PCDH10: variants seen among roughly 807,000 people sequenced by gnomAD.
The protein encoded by PCDH10 is protocadherin 10.
PCDH10 carries 15 observed loss-of-function variants against 74.4 expected under a neutral mutation model. The ratio of observed to expected loss-of-function variants is 0.20; its 90% CI spans 0.13 to 0.31. PCDH10 has a LOEUF of 0.31. PCDH10 is among the 10% of genes least tolerant of loss of function. PCDH10 has a pLI of 1.00. For synonymous variants in PCDH10, 619 were observed against 589.8 expected (o/e 1.05, Z -0.72); for missense variants, 1,260 against 1,390.2 (o/e 0.91, Z 1.49).
chr4:133,200,392 C>A (rs1210759032), intron 2 of PCDH10, among the ~76,000 whole-genome samples: 1 of 151,188 alleles, frequency 6.6e-6, no homozygotes, highest in Non-Finnish European at 1.5e-5. Context: ...TAACAAACAC[C>A]CATAACAATA....
intron 1 of PCDH10, chr4:133,153,338 T>A (rs1346860037): frequency 2.3e-6 from 2 of 855,418 alleles, no homozygotes; most frequent in Non-Finnish European, 2.8e-6. Context: ...AAGCCTTCAG[T>A]TCGGCTCTGG....
intron 3 of PCDH10, among the ~76,000 whole-genome samples, chr4:133,162,322 A>C (rs548889989): frequency 1.3e-5 from 2 of 152,324 alleles, no homozygotes; most frequent in East Asian, 3.9e-4. Flanking sequence ...ATGGACTACC[A>C]GAGTGTCATT....
intron 3 of PCDH10, 94 bp from the exon 4 acceptor site, chr4:133,162,883 T>C (rs1726998023): frequency 2.9e-6 from 3 of 1,050,008 alleles, no homozygotes; most frequent in South Asian, 3.5e-5. Context: ...ACAACTTCAC[T>C]TGTCACCCTT....
rs751172216 is a variant in PCDH10, at chr4:133,151,644, A to G, written c.1504A>G (p.Ile502Val). ...CGCCAACGCCCAGCTTGCCTACTCT[A>G]TCCTCGAGTGCCAGATCCAGGGCAT... ...EGANAQLAYSILECQIQGMSV... is the reference protein window; with the variant it reads ...EGANAQLAYSVLECQIQGMSV... The change falls in exon 1 of 5, where the codon ATC (isoleucine) becomes GTC (valine). Residue 502 changes from isoleucine (I) to valine (V), a missense_variant. Transcript: ENST00000264360. 25 of 1,613,636 alleles carry G rather than the reference A, an allele frequency of 1.5e-5. No homozygotes were observed. The highest frequency in any genetic ancestry group is 1.5e-5 in the Non-Finnish European group (18 of 1,180,028).
intron 2 of PCDH10, among the ~76,000 whole-genome samples, chr4:133,199,926 C>T (rs1727870166): frequency 6.6e-6 from 1 of 151,012 alleles, no homozygotes; most frequent in Non-Finnish European, 1.5e-5. Flanking sequence ...GCCTCCCGAG[C>T]TGCTGGGACT....
intron 2 of PCDH10, among the ~76,000 whole-genome samples, chr4:133,204,109 T>C (rs1727956718): frequency 6.6e-6 from 1 of 152,170 alleles, no homozygotes; most frequent in African/African-American, 2.4e-5. Context: ...ATGTTTACCT[T>C]TATACCCCTG....
intron 2 of PCDH10, among the ~76,000 whole-genome samples, chr4:133,207,266 G>T (rs1027936081): frequency 3.3e-5 from 5 of 151,820 alleles, no homozygotes; most frequent in Admixed American, 1.3e-4. Flanking sequence ...TCATTGCATT[G>T]GTTTATTTAC....
chr4:133,191,028 A>G lies in PCDH10; in HGVS notation c.*868A>G, dbSNP rs867959590. 1 of 152,516 alleles carries G rather than the reference A, an allele frequency of 6.6e-6. No individual in the cohort carries two copies. Among genetic ancestry groups the G allele is most frequent in the Non-Finnish European group, 1.5e-5 (1 of 67,914 alleles). The allele number at this position is 152,516 out of a possible 1,614,324, so 9.4% of individuals were successfully genotyped here. ...TTCAATGCCAAAGATGTAGCTATTG[A>G]TGTTATCAGACAGAGCACTGACTAT... On this transcript the variant is annotated 3_prime_UTR_variant, in exon 5 of 5. Coordinates refer to ENST00000264360, the MANE Select transcript of PCDH10 (RefSeq NM_032961.3).
chr4:133,180,868 T>G (rs2125870121), intron 4 of PCDH10, among the ~76,000 whole-genome samples: 1 of 151,938 alleles, frequency 6.6e-6, no homozygotes, highest in Non-Finnish European at 1.5e-5. Context: ...TTAAATAAAT[T>G]TTAACCTTTA....
chr4:133,179,975 C>A (rs1240731243), intron 4 of PCDH10, among the ~76,000 whole-genome samples: 2 of 151,876 alleles, frequency 1.3e-5, no homozygotes, highest in East Asian at 3.9e-4. Context: ...AAAAAGCAAA[C>A]TAAAACCACA....
chr4:133,207,518 C>T (rs1307994375), intron 2 of PCDH10, among the ~76,000 whole-genome samples: 2 of 152,008 alleles, frequency 1.3e-5, no homozygotes, highest in East Asian at 3.9e-4. Flanking sequence ...TGCATAACTT[C>T]TGTGCTAAGT....
At position 133,170,755 on chromosome 4, in the gene PCDH10, C is replaced by G. The variant is rs536442361; in HGVS notation, c.3103+7473C>G. Among the ~76,000 whole-genome samples, 7 of 152,108 alleles carry G rather than the reference C, an allele frequency of 4.6e-5. No individual in the cohort carries two copies. The South Asian group carries it at 1.5e-3, about 32-fold the overall frequency. On this transcript the variant is annotated intron_variant, in intron 4 of 4. Coordinates refer to ENST00000264360, the MANE Select transcript of PCDH10 (RefSeq NM_032961.3). Reference sequence around the variant, plus strand: ...TCACCCAGGCTGGAGTGCAGTGGTGCGATCTTGGCTCACTGCCACCTCCAC... The same window carrying G: ...TCACCCAGGCTGGAGTGCAGTGGTGGGATCTTGGCTCACTGCCACCTCCAC...
intron 4 of PCDH10, among the ~76,000 whole-genome samples, chr4:133,189,388 A>C (rs530535901): frequency 6.6e-6 from 1 of 152,246 alleles, no homozygotes; most frequent in South Asian, 2.1e-4. Flanking sequence ...AAGAAATATT[A>C]TTTATCATTA....
intron 1 of PCDH10, chr4:133,153,104 G>C: frequency 2.3e-6 from 3 of 1,317,592 alleles, no homozygotes. Context: ...AGAGGGAAAT[G>C]TGGAGGAGGG....
At chr4:133,197,707 AG>A (rs1359052383), downstream of PCDH10, among the ~76,000 whole-genome samples, 1 of 152,190 alleles carries the variant, frequency 6.6e-6, no homozygotes, top group Non-Finnish European at 1.5e-5. Flanking sequence ...TCTGAAAGAT[AG>A]GAACATTTAG....
chr4:133,171,099 G>A (rs1252968358), intron 4 of PCDH10, among the ~76,000 whole-genome samples: 1 of 151,684 alleles, frequency 6.6e-6, no homozygotes, highest in Non-Finnish European at 1.5e-5. Context: ...TTATGAGAAA[G>A]GCAGTATTTT....
chr4:133,165,663 A>G (rs1032834607), intron 4 of PCDH10, among the ~76,000 whole-genome samples: 8 of 151,802 alleles, frequency 5.3e-5, no homozygotes, highest in Non-Finnish European at 8.9e-5. Context: ...CATAATGAAT[A>G]TAATGTACAT....
rs752872197 is a variant in PCDH10 at position 133,151,050 on chromosome 4, T to C, written c.910T>C (p.Ser304Pro). Reference protein sequence around the residue: ...SPRARELFGLSPRTGRLEVSG... With the variant: ...SPRARELFGLPPRTGRLEVSG... The stretch of plus-strand genomic sequence containing the variant: ...CCGGGCGCGGGAGCTTTTCGGACTC[T>C]CGCCGCGCACTGGCAGACTGGAGGT... The change falls in exon 1 of 5, where the codon TCG becomes CCG. Residue 304 changes from serine (S) to proline (P), a missense_variant. Transcript: ENST00000264360. The C allele has an allele frequency of 5.6e-6, 9 of 1,613,972 alleles. No homozygotes were observed. The highest frequency in any genetic ancestry group is 1.1e-5 in the South Asian group (1 of 91,092).
chr4:133,172,325 T>G (rs933524750), intron 4 of PCDH10, among the ~76,000 whole-genome samples: 14 of 152,158 alleles, frequency 9.2e-5, no homozygotes, highest in Middle Eastern at 6.8e-3. Flanking sequence ...CTACTTATTA[T>G]TTAAATTTCC....
Sources: allele counts gnomAD v4.1 joint callset (sites outside exome capture counted in the v4.1 genomes callset), GRCh38; gene constraint gnomAD v4.1.1; transcripts MANE v1.5; gene names NCBI Gene and HGNC (gene_info 2026-07-23, HGNC 2026-07-21).